The following RBFOX1 variants were observed in gnomAD, a reference collection of about 807,000 sequenced individuals.
The protein encoded by RBFOX1 is RNA binding protein fox-1 homolog 1.
RBFOX1 carries 8 observed loss-of-function variants against 57.7 expected under a neutral mutation model. The observed-to-expected ratio is 0.14, with a 90% confidence interval of 0.08 to 0.25. The LOEUF (loss-of-function observed/expected upper bound fraction) is 0.25. Among genes scored for constraint, RBFOX1 ranks in the 10% least tolerant of loss-of-function variants. The pLI is 1.00. For missense variants in RBFOX1, 611 were observed against 548.5 expected (o/e 1.11, Z -1.14); for synonymous variants, 326 against 222.4 (o/e 1.47, Z -4.15).
intron 3 of RBFOX1, among the ~76,000 whole-genome samples, chr16:5,858,872 A>G (rs1013756064): frequency 6.6e-6 from 1 of 152,190 alleles, no homozygotes; most frequent in Non-Finnish European, 1.5e-5. Context: ...GTCCCAGGCC[A>G]GAATAGAAGA....
intron 4 of RBFOX1, among the ~76,000 whole-genome samples, chr16:7,227,676 C>T (rs978876886): frequency 2.6e-5 from 4 of 152,128 alleles, no homozygotes; most frequent in Admixed American, 2.0e-4. Flanking sequence ...TGGATGGGTC[C>T]TTCCAGCGGG....
intron 3 of RBFOX1, among the ~76,000 whole-genome samples, chr16:7,000,297 A>G (rs1295672608): frequency 6.6e-6 from 1 of 152,104 alleles, no homozygotes; most frequent in Non-Finnish European, 1.5e-5. Context: ...TTTTATTATC[A>G]GAAATTTAAA....
intron 3 of RBFOX1, among the ~76,000 whole-genome samples, chr16:7,003,585 T>G (rs2093030350): frequency 6.6e-6 from 1 of 152,112 alleles, no homozygotes; most frequent in Non-Finnish European, 1.5e-5. Flanking sequence ...AACAAGGTAT[T>G]AAAATACCTC....
At chr16:6,506,211 G>T (rs2096084901) in intron 2 of RBFOX1, among the ~76,000 whole-genome samples, 1 of 152,154 alleles carries the variant, frequency 6.6e-6, no homozygotes, top group African/African-American at 2.4e-5. Flanking sequence ...GATGCCCCAA[G>T]TGGGAGGCAG....
At chr16:7,416,361 A>C (rs2098477805) in intron 4 of RBFOX1, among the ~76,000 whole-genome samples, 1 of 152,176 alleles carries the variant, frequency 6.6e-6, no homozygotes, top group Admixed American at 6.6e-5. Flanking sequence ...ATTTGATCAG[A>C]ATAGAGGTTT....
chr16:6,949,411 C>A (rs1464784745), intron 3 of RBFOX1, among the ~76,000 whole-genome samples: 1 of 152,166 alleles, frequency 6.6e-6, no homozygotes, highest in Admixed American at 6.5e-5. Flanking sequence ...TGGCTAGGGG[C>A]ACCATAACAA....
intron 1 of RBFOX1, among the ~76,000 whole-genome samples, chr16:6,148,736 T>C (rs929838242): frequency 1.3e-5 from 2 of 152,220 alleles, no homozygotes; most frequent in African/African-American, 4.8e-5. Context: ...TCATTTGCCA[T>C]ACTTCGCTTT....
intron 3 of RBFOX1, among the ~76,000 whole-genome samples, chr16:6,748,290 C>T (rs942184538): frequency 5.9e-5 from 9 of 152,104 alleles, no homozygotes; most frequent in Admixed American, 2.6e-4. Flanking sequence ...TCTACACACA[C>T]ACACGCAAAT....
At chr16:5,776,557 G>T (rs936802676) in intron 3 of RBFOX1, among the ~76,000 whole-genome samples, 1 of 152,188 alleles carries the variant, frequency 6.6e-6, no homozygotes, top group African/African-American at 2.4e-5. Context: ...TCTGCACCAC[G>T]TACTGTGCTG....
chr16:7,484,675 G>A (rs2064924243), intron 4 of RBFOX1, among the ~76,000 whole-genome samples: 1 of 152,284 alleles, frequency 6.6e-6, no homozygotes, highest in South Asian at 2.1e-4. Flanking sequence ...TGTTGGTCAG[G>A]CTGGTCTTGA....
chr16:7,668,210 C>T (rs892568743), intron 13 of RBFOX1, among the ~76,000 whole-genome samples: 1 of 152,188 alleles, frequency 6.6e-6, no homozygotes, highest in Non-Finnish European at 1.5e-5. Context: ...CCATGCCTAC[C>T]ACCTGAGGTT....
At chr16:7,029,611 A>G (rs910449796) in intron 3 of RBFOX1, among the ~76,000 whole-genome samples, 3 of 152,112 alleles carry the variant, frequency 2.0e-5, no homozygotes, top group Non-Finnish European at 4.4e-5. Flanking sequence ...ATCATTGACA[A>G]TTTGTGGCAA....
At chr16:6,325,894 G>A (rs2082316748) in intron 2 of RBFOX1, among the ~76,000 whole-genome samples, 1 of 152,128 alleles carries the variant, frequency 6.6e-6, no homozygotes, top group Admixed American at 6.5e-5. Flanking sequence ...GAAAATACCA[G>A]CCCAACTCCA....
At chr16:6,025,750 C>A (rs546950558) in intron 1 of RBFOX1, among the ~76,000 whole-genome samples, 2 of 152,140 alleles carry the variant, frequency 1.3e-5, no homozygotes, top group Non-Finnish European at 2.9e-5. Flanking sequence ...GTGCAGCCGA[C>A]GTTGTCCATC....
At chr16:7,635,255 A>G (rs2061573857) in intron 11 of RBFOX1, among the ~76,000 whole-genome samples, 1 of 152,224 alleles carries the variant, frequency 6.6e-6, no homozygotes, top group Non-Finnish European at 1.5e-5. Context: ...GAAAAAGTTC[A>G]CTTCTGATTC....
chr16:6,320,443 A>T (rs909451510), intron 2 of RBFOX1, among the ~76,000 whole-genome samples: 4 of 152,096 alleles, frequency 2.6e-5, no homozygotes, highest in Non-Finnish European at 5.9e-5. Flanking sequence ...GCCACTAAAG[A>T]ACTCATCCAT....
intron 4 of RBFOX1, among the ~76,000 whole-genome samples, chr16:5,931,862 C>G (rs1446457542): frequency 6.6e-6 from 1 of 152,178 alleles, no homozygotes; most frequent in Non-Finnish European, 1.5e-5. Context: ...GGCTGGAGTA[C>G]AGTGGCACAG....
intron 3 of RBFOX1, among the ~76,000 whole-genome samples, chr16:6,918,611 C>G (rs1162099686): frequency 6.6e-6 from 1 of 152,012 alleles, no homozygotes; most frequent in African/African-American, 2.4e-5. Flanking sequence ...TTTATCTTAC[C>G]CAAATCTCAT....
intron 3 of RBFOX1, among the ~76,000 whole-genome samples, chr16:6,850,790 T>G (rs2094018029): frequency 6.6e-6 from 1 of 152,224 alleles, no homozygotes. Context: ...GTCAAATGAC[T>G]TAATCACTTT....
Sources: gnomAD v4.1 joint callset for allele counts (sites outside exome capture counted in the v4.1 genomes callset) on GRCh38, gnomAD v4.1.1 for gene constraint, MANE v1.5 for transcripts, NCBI Gene and HGNC (gene_info 2026-07-23, HGNC 2026-07-21) for gene names.